Variants in RFX2 observed in about 807,000 individuals in gnomAD.
RFX2 encodes regulatory factor X2.
RFX2 carries 20 observed loss-of-function variants against 87.8 expected under a neutral mutation model. The observed-to-expected ratio is 0.23, with a 90% CI of 0.16 to 0.33. The LOEUF is 0.33. RFX2 is among the 10% of genes least tolerant of loss of function. RFX2 has a pLI of 1.00. For synonymous variants in RFX2, 397 were observed against 431.3 expected (o/e 0.92, Z 0.98); for missense variants, 767 against 1,012.3 (o/e 0.76, Z 3.29).
intron 1 of RFX2, among the ~76,000 whole-genome samples, chr19:6,078,699 G>A (rs540264649): frequency 5.3e-5 from 8 of 152,344 alleles, no homozygotes; most frequent in Admixed American, 3.9e-4. Context: ...ACAGAAAGAC[G>A]AAAAGAGAAA....
rs1555776970 is a variant in RFX2, at chr19:6,042,505, TTTTG to T, written c.181-386_181-383del. On this transcript the variant is annotated intron_variant, in intron 3 of 17. Transcript: ENST00000303657. ...ACTGTCCCTGGTTTCTGTTTTTTTT[TTTTG>T]TTTGTTTGTTTGTTTTTTTGCGACA... Among the ~76,000 whole-genome samples the T allele has an allele frequency of 1.4e-4, 21 of 152,108 alleles. No individual in the cohort carries two copies. The East Asian group carries it at 1.5e-3, about 11-fold the overall frequency.
At chr19:6,082,018 C>T (rs542587691) in intron 1 of RFX2, among the ~76,000 whole-genome samples, 15 of 151,978 alleles carry the variant, frequency 9.9e-5, no homozygotes, top group East Asian at 1.9e-4. Flanking sequence ...AACCTGGAGG[C>T]GGAGCTTGCA....
chr19:6,075,298 A>G (rs951045947), intron 1 of RFX2, among the ~76,000 whole-genome samples: 13 of 148,772 alleles, frequency 8.7e-5, no homozygotes, highest in African/African-American at 1.3e-4. Flanking sequence ...GGAGGAGGAG[A>G]AGATGGACTT....
At position 6,064,224 on chromosome 19, in the gene RFX2, G is replaced by A; in HGVS notation, c.-8-16720C>T. ...TGTTCTAGCCACCTTCACCATGTTG[G>A]CCTCCAGCTCCCGTCTTCAGCTGAG... On this transcript the variant is annotated intron_variant, in intron 1 of 17. Coordinates refer to ENST00000303657, the MANE Select transcript of RFX2 (RefSeq NM_000635.4). This position sits in a 1 kb window ranked among gnomAD's most constrained non-coding sequence, Gnocchi z 4.8. Among the ~76,000 whole-genome samples, 1 of 152,194 alleles carries A rather than the reference G, an allele frequency of 6.6e-6. No individual in the cohort carries two copies.
chr19:6,022,817 A>G lies in RFX2; in HGVS notation c.597+3346T>C, dbSNP rs1485572510. On this transcript the variant is annotated intron_variant, in intron 6 of 17. Coordinates refer to ENST00000303657, the MANE Select transcript of RFX2 (RefSeq NM_000635.4). The surrounding 1 kb of genome is among the most constrained non-coding windows in gnomAD (Gnocchi z 6.2). ...CAGGCCCTGCAGACCCCCTGGGTCC[A>G]AGCCCCTAGAGGGGAGGCCTGGGAA... Among the ~76,000 whole-genome samples the G allele has an allele frequency of 6.6e-6, 1 of 152,198 alleles. No individual in the cohort carries two copies. The highest frequency in any genetic ancestry group is 2.4e-5 in the African/African-American group (1 of 41,454).
At position 6,047,275 on chromosome 19, in the gene RFX2, G is replaced by A; in HGVS notation, c.90+132C>T. The A allele has an allele frequency of 1.5e-6, 1 of 671,854 alleles. No individual in the cohort carries two copies. The highest frequency in any genetic ancestry group is 2.4e-6 in the Non-Finnish European group (1 of 411,176). 41.6% of individuals were successfully genotyped at this position (671,854 alleles called of 1,614,324 possible). A position where few individuals can be genotyped will look rare whatever the true frequency, so the allele number is the denominator to read the frequency against. ...GGAAATTGTGCCTATTTCAACAGCA[G>A]CAGCACTGGGACTGAGAAGTCCATT... On this transcript the variant is annotated intron_variant, in intron 2 of 17. Transcript: ENST00000303657. The surrounding 1 kb of genome is among the most constrained non-coding windows in gnomAD (Gnocchi z 4.2).
Position 5,997,381 on chromosome 19 carries a change from A to T in RFX2, c.1860-168T>A, listed in dbSNP as rs1191220315. Reference sequence around the variant, plus strand: ...CTACGCGGGGGCTGACGGGCTGCCGAGACCCTGGGCCCACGTGACGGACAG... The same window carrying T: ...CTACGCGGGGGCTGACGGGCTGCCGTGACCCTGGGCCCACGTGACGGACAG... On this transcript the variant is annotated intron_variant, in intron 15 of 17. Transcript: ENST00000303657. The surrounding 1 kb of genome is among the most constrained non-coding windows in gnomAD (Gnocchi z 4.2). The T allele has an allele frequency of 1.3e-6, 1 of 760,272 alleles. No homozygotes were observed. Among genetic ancestry groups the T allele is most frequent in the Non-Finnish European group, 2.0e-6 (1 of 495,902 alleles). The allele number at this position is 760,272 out of a possible 1,614,324, so 47.1% of individuals were successfully genotyped here. A position where few individuals can be genotyped will look rare whatever the true frequency, so the allele number is the denominator to read the frequency against.
chr19:6,035,549 G>A (rs2087010756), intron 5 of RFX2, among the ~76,000 whole-genome samples: 1 of 152,158 alleles, frequency 6.6e-6, no homozygotes, highest in African/African-American at 2.4e-5. Context: ...ACTCGTCGAG[G>A]CTACCAGTGA....
chr19:6,039,889 C>T lies in RFX2; in HGVS notation c.522+91G>A. 1 of 1,406,824 alleles carries T rather than the reference C, an allele frequency of 7.1e-7. No homozygotes were observed. The highest frequency in any genetic ancestry group is 9.4e-7 in the Non-Finnish European group (1 of 1,058,456). 87.1% of individuals were successfully genotyped at this position (1,406,824 alleles called of 1,614,324 possible). On this transcript the variant is annotated intron_variant, in intron 5 of 17. Transcript: ENST00000303657. The surrounding 1 kb of genome is among the most constrained non-coding windows in gnomAD (Gnocchi z 5.2). ...CAGAGCAGACGACAGCCCCTCCGGG[C>T]CTCCGGCTGCCTCTTACTCACCATC... is the stretch of plus-strand genomic sequence containing the variant.
At position 6,023,608 on chromosome 19, in the gene RFX2, A is replaced by G. The variant is rs2086848932; in HGVS notation, c.597+2555T>C. Among the ~76,000 whole-genome samples the G allele has an allele frequency of 6.6e-6, 1 of 152,132 alleles. No individual in the cohort carries two copies. On this transcript the variant is annotated intron_variant, in intron 6 of 17. Transcript: ENST00000303657. The surrounding 1 kb of genome is among the most constrained non-coding windows in gnomAD (Gnocchi z 4.9). ...GCTCATGACAGAAGGAAACAACTCAACAGCGAATCATCAGTGAGTAAAAGA... is the reference window on the plus strand; with the variant it reads ...GCTCATGACAGAAGGAAACAACTCAGCAGCGAATCATCAGTGAGTAAAAGA...
chr19:6,002,065 C>G lies in RFX2; in HGVS notation c.1651-42G>C. 1 of 1,513,310 alleles carries G rather than the reference C, an allele frequency of 6.6e-7. No homozygotes were observed. Among genetic ancestry groups the G allele is most frequent in the Non-Finnish European group, 8.9e-7 (1 of 1,119,344 alleles). The allele number at this position is 1,513,310 out of a possible 1,614,324, so 93.7% of individuals were successfully genotyped here. ...GGCCAGTGTCAGCAATGTGGACCCC[C>G]AGCCACGGCAGCCCTCCCTGGACCT... On this transcript the variant is annotated intron_variant, in intron 14 of 17. Transcript: ENST00000303657. The surrounding 1 kb of genome is among the most constrained non-coding windows in gnomAD (Gnocchi z 6.7).
chr19:6,006,883 C>T (rs1219195841), intron 12 of RFX2, 129 bp downstream of exon 12: 10 of 1,050,166 alleles, frequency 9.5e-6, no homozygotes, highest in Non-Finnish European at 1.4e-5. Context: ...TGAGCCACCG[C>T]GCCCGGCCAC....
chr19:6,104,297 C>T (rs536004528), intron 1 of RFX2, among the ~76,000 whole-genome samples: 11 of 152,114 alleles, frequency 7.2e-5, no homozygotes, highest in Admixed American at 4.6e-4. Context: ...TGGCCGGGTG[C>T]GGTGGTTCAC....
rs1485346959 is a variant in RFX2 at position 6,026,036 on chromosome 19, TG to T, written c.597+126del. 1.4e-6 allele frequency: 1 copy of T among 731,438 alleles called. No homozygotes were observed. The highest frequency in any genetic ancestry group is 1.8e-5 in the African/African-American group (1 of 55,774). 45.3% of individuals were successfully genotyped at this position (731,438 alleles called of 1,614,324 possible). ...CTGACTTCAAGTGATCCACCCGCCT[TG>T]GCCTCCCAAAGTGCTGGGATTACAG... On this transcript the variant is annotated intron_variant, in intron 6 of 17. Coordinates refer to ENST00000303657, the MANE Select transcript of RFX2 (RefSeq NM_000635.4). The surrounding 1 kb of genome is among the most constrained non-coding windows in gnomAD (Gnocchi z 4.5).
chr19:6,005,506 G>A (rs543286954), intron 12 of RFX2, among the ~76,000 whole-genome samples: 3 of 152,342 alleles, frequency 2.0e-5, no homozygotes, highest in Non-Finnish European at 1.5e-5. Context: ...TGGCCCGAGG[G>A]CTCCCTCGTG....
rs940687398 is a variant in RFX2, at chr19:5,998,091, T to C, written c.1860-878A>G. 1.3e-5 allele frequency among the ~76,000 whole-genome samples: 2 copies of C among 152,100 alleles called. No homozygotes were observed. The highest frequency in any genetic ancestry group is 2.9e-5 in the Non-Finnish European group (2 of 68,014). On this transcript the variant is annotated intron_variant, in intron 15 of 17. Transcript: ENST00000303657. This position sits in a 1 kb window ranked among gnomAD's most constrained non-coding sequence, Gnocchi z 4.2. ...GGGAGGCCAGGGCGGGCAGATCACT[T>C]GGGGTCAGGAGTTCTAGACCAGCCT...
Position 6,022,847 on chromosome 19 carries a change from C to T in RFX2, c.597+3316G>A, listed in dbSNP as rs2086835559. ...CCTAGAGGGGAGGCCTGGGAAGCTCCTGTTGACCGGCTGGGTCTGGACAAT... is the reference window on the plus strand; with the variant it reads ...CCTAGAGGGGAGGCCTGGGAAGCTCTTGTTGACCGGCTGGGTCTGGACAAT... On this transcript the variant is annotated intron_variant, in intron 6 of 17. Transcript: ENST00000303657. This position sits in a 1 kb window ranked among gnomAD's most constrained non-coding sequence, Gnocchi z 6.2. 6.6e-6 allele frequency among the ~76,000 whole-genome samples: 1 copy of T among 152,222 alleles called. No homozygotes were observed. Among genetic ancestry groups the T allele is most frequent in the Non-Finnish European group, 1.5e-5 (1 of 68,036 alleles).
intron 16 of RFX2, among the ~76,000 whole-genome samples, chr19:5,996,314 G>GCGTGCACAAAC (rs58956435): frequency 5.3e-5 from 8 of 152,100 alleles, no homozygotes; most frequent in South Asian, 2.1e-4. Context: ...GAGAGGGAGC[G>GCGTGCACAAAC]ACCGTGCAGC....
At position 5,998,982 on chromosome 19, in the gene RFX2, G is replaced by A. The variant is rs1339730326; in HGVS notation, c.1860-1769C>T. On this transcript the variant is annotated intron_variant, in intron 15 of 17. Transcript: ENST00000303657. This position sits in a 1 kb window ranked among gnomAD's most constrained non-coding sequence, Gnocchi z 4.2. ...GCATAAGAATGAAGTCAGACCAGGC[G>A]TGGTGGCTCATGACTGGAATCGCAG... Among the ~76,000 whole-genome samples the A allele has an allele frequency of 2.0e-5, 3 of 152,212 alleles. No homozygotes were observed. Among genetic ancestry groups the A allele is most frequent in the African/African-American group, 4.8e-5 (2 of 41,456 alleles).
Sources: gnomAD v4.1 joint callset for allele counts (sites outside exome capture counted in the v4.1 genomes callset) on GRCh38, gnomAD v4.1.1 for gene constraint, Gnocchi (gnomAD v3.1) non-coding constraint, MANE v1.5 for transcripts, NCBI Gene and HGNC (gene_info 2026-07-23, HGNC 2026-07-21) for gene names.